The following TM2D1 variants were observed in gnomAD, a reference collection of about 807,000 sequenced individuals.
The protein encoded by TM2D1 is TM2 domain containing 1, also known as TM2 domain-containing protein 1.
Under a neutral mutation model 28.4 loss-of-function variants are expected in TM2D1, and 15 were observed. The ratio of observed to expected loss-of-function variants is 0.53; its 90% CI spans 0.35 to 0.81. The LOEUF (loss-of-function observed/expected upper bound fraction) is 0.81. Ranked by LOEUF, TM2D1 falls within the 40% of genes least tolerant of loss-of-function variation. TM2D1 has a pLI of 0.01. For synonymous variants in TM2D1, 93 were observed against 96.2 expected, an observed-to-expected ratio of 0.97 and a Z score of 0.20; for missense variants, 236 against 254.9, an observed-to-expected ratio of 0.93 and a Z score of 0.50.
At chr1:61,699,851 T>C (rs1055610872) in intron 4 of TM2D1, 9 of 202,540 alleles carry the variant, frequency 4.4e-5, no homozygotes, top group Non-Finnish European at 6.8e-5. Context: ...TAAACAAGTA[T>C]ATATAGTACT....
intron 4 of TM2D1, chr1:61,696,123 G>A (rs1275479677): frequency 3.9e-5 from 6 of 152,162 alleles, no homozygotes; most frequent in Non-Finnish European, 7.3e-5. Context: ...GTTGCCCAAA[G>A]AAAATTGTCT....
intron 6 of TM2D1, chr1:61,683,171 G>T (rs1016124536): frequency 5.3e-6 from 1 of 186,962 alleles, no homozygotes; most frequent in Non-Finnish European, 1.1e-5. Context: ...TTTTTGCTTT[G>T]ATGTTACTTT....
At chr1:61,691,879 C>T (rs1644327335) in intron 5 of TM2D1, among the ~76,000 whole-genome samples, 2 of 141,578 alleles carry the variant, frequency 1.4e-5, no homozygotes, top group South Asian at 2.2e-4. Flanking sequence ...CAAGCCACTG[C>T]ACTCCAGCCT....
chr1:61,722,373 C>T (rs1334161208), intron 2 of TM2D1, among the ~76,000 whole-genome samples: 5 of 152,028 alleles, frequency 3.3e-5, no homozygotes, highest in Non-Finnish European at 2.9e-5. Flanking sequence ...CTTAAAGAAA[C>T]TTTTTCCGCC....
intron 2 of TM2D1, among the ~76,000 whole-genome samples, chr1:61,716,584 T>C (rs1401703825): frequency 2.7e-5 from 4 of 146,654 alleles, no homozygotes; most frequent in African/African-American, 7.4e-5. Context: ...TAATTTTATA[T>C]ATATATATAC....
At chr1:61,706,124 T>A (rs1293092123) in intron 3 of TM2D1, among the ~76,000 whole-genome samples, 3 of 152,134 alleles carry the variant, frequency 2.0e-5, no homozygotes, top group Non-Finnish European at 4.4e-5. Context: ...ATTTATCCAG[T>A]TATCTTAGCT....
chr1:61,709,436 A>T lies in TM2D1; in HGVS notation c.240T>A (p.Val80=). 1 of 1,607,814 alleles carries T rather than the reference A, an allele frequency of 6.2e-7. No homozygotes were observed. Among genetic ancestry groups the T allele is most frequent in the Non-Finnish European group, 8.5e-7 (1 of 1,174,850 alleles). ...PVNCTNYTAH[V]SCFPAPNITC... The stretch of plus-strand genomic sequence containing the variant: ...TTATGTTGGGTGCTGGAAAACAGGA[A>T]ACTGAAGGCAGAAAAAGTCAAGAAA... The change falls in exon 3 of 7, where the codon GTT becomes GTA. Residue 80 remains valine, a splice_region_variant and synonymous_variant. Transcript: ENST00000606498.
chr1:61,682,224 G>C (rs776376907), intron 6 of TM2D1, among the ~76,000 whole-genome samples: 3 of 152,186 alleles, frequency 2.0e-5, no homozygotes, highest in Non-Finnish European at 4.4e-5. Flanking sequence ...AGTCCTTTGA[G>C]ATAGAGTTGA....
intron 2 of TM2D1, among the ~76,000 whole-genome samples, chr1:61,710,065 G>C (rs1644466208): frequency 6.6e-6 from 1 of 152,108 alleles, no homozygotes. Flanking sequence ...TAACCTCATA[G>C]TGTAAAGAAC....
chr1:61,690,703 G>T (rs1189412035), intron 5 of TM2D1, among the ~76,000 whole-genome samples: 1 of 152,076 alleles, frequency 6.6e-6, no homozygotes, highest in Admixed American at 6.6e-5. Flanking sequence ...TAACATAACT[G>T]GTACTATAGC....
intron 5 of TM2D1, among the ~76,000 whole-genome samples, chr1:61,692,502 GAGAA>G (rs1644335454): frequency 6.8e-6 from 1 of 146,846 alleles, no homozygotes; most frequent in African/African-American, 2.5e-5. Flanking sequence ...GAAAAAGAAA[GAGAA>G]AGAGAAAAGA....
chr1:61,721,461 G>T (rs2148070643), intron 2 of TM2D1, among the ~76,000 whole-genome samples: 1 of 150,642 alleles, frequency 6.6e-6, no homozygotes, highest in South Asian at 2.1e-4. Flanking sequence ...AGAATCACTT[G>T]AATCCGGGAG....
chr1:61,682,481 A>G (rs1403777415), intron 6 of TM2D1, among the ~76,000 whole-genome samples: 1 of 152,250 alleles, frequency 6.6e-6, no homozygotes, highest in Non-Finnish European at 1.5e-5. Flanking sequence ...GAAGATTATT[A>G]GAATAGACTA....
chr1:61,682,291 CCTGT>C (rs1338418934), intron 6 of TM2D1, among the ~76,000 whole-genome samples: 1 of 152,130 alleles, frequency 6.6e-6, no homozygotes, highest in Non-Finnish European at 1.5e-5. Flanking sequence ...TTTCTCTCTA[CCTGT>C]CTGTGTCTAT....
intron 5 of TM2D1, among the ~76,000 whole-genome samples, chr1:61,688,586 G>A (rs567153420): frequency 2.0e-5 from 3 of 152,292 alleles, no homozygotes; most frequent in African/African-American, 4.8e-5. Context: ...AGCTGGGCGC[G>A]GTGGCACATG....
chr1:61,683,617 C>A, intron 5 of TM2D1, 71 bp from the exon 6 acceptor site: 1 of 786,534 alleles, frequency 1.3e-6, no homozygotes, highest in African/African-American at 1.8e-5. Flanking sequence ...TTACTTTTCT[C>A]AGTTGTTAAT....
rs142291885 is a variant in TM2D1, at chr1:61,695,877, T to C, written c.440-1107A>G. ...AAACATTCACTTACCTAACATTTTA[T>C]CTTTGATTACTATCTGTCACACAGA... On this transcript the variant is annotated intron_variant, in intron 4 of 6. Coordinates refer to ENST00000606498, the MANE Select transcript of TM2D1 (RefSeq NM_032027.3). Among the ~76,000 whole-genome samples, 80 of 152,346 alleles carry C rather than the reference T, an allele frequency of 5.3e-4. 1 individual carries two copies. The highest frequency in any genetic ancestry group is 8.9e-4 in the African/African-American group (37 of 41,592).
intron 4 of TM2D1, among the ~76,000 whole-genome samples, chr1:61,695,642 G>A (rs1644358389): frequency 6.6e-6 from 1 of 152,140 alleles, no homozygotes; most frequent in Non-Finnish European, 1.5e-5. Flanking sequence ...AAGAGAGGAT[G>A]AGATCACACA....
At chr1:61,716,353 A>G (rs1336375919) in intron 2 of TM2D1, among the ~76,000 whole-genome samples, 2 of 146,632 alleles carry the variant, frequency 1.4e-5, no homozygotes, top group Non-Finnish European at 3.0e-5. Context: ...TATTATATAC[A>G]TATTTAATTT....
Sources: allele counts gnomAD v4.1 joint callset (sites outside exome capture counted in the v4.1 genomes callset), GRCh38; gene constraint gnomAD v4.1.1; transcripts MANE v1.5; gene names NCBI Gene and HGNC (gene_info 2026-07-23, HGNC 2026-07-21).